The following RBFOX1 variants were observed in gnomAD, a reference collection of about 807,000 sequenced individuals.
RBFOX1 encodes the protein RNA binding protein fox-1 homolog 1.
A neutral mutation model predicts 57.7 loss-of-function variants in RBFOX1; 8 were observed. The observed-to-expected ratio is 0.14, with a 90% CI of 0.08 to 0.25. The LOEUF (loss-of-function observed/expected upper bound fraction) is 0.25. RBFOX1 is among the 10% of genes least tolerant of loss of function. RBFOX1 has a pLI of 1.00. For synonymous variants in RBFOX1, 326 were observed against 222.4 expected, an observed-to-expected ratio of 1.47 and a Z score of -4.15; for missense variants, 611 against 548.5, an observed-to-expected ratio of 1.11 and a Z score of -1.14.
intron 4 of RBFOX1, among the ~76,000 whole-genome samples, chr16:7,136,666 C>T (rs576573425): frequency 2.0e-5 from 3 of 152,286 alleles, no homozygotes; most frequent in African/African-American, 7.2e-5. Flanking sequence ...ATCCTCCTGC[C>T]TTGGCCTCCC....
At chr16:5,606,812 G>C (rs543248960) in intron 3 of RBFOX1, among the ~76,000 whole-genome samples, 1 of 152,212 alleles carries the variant, frequency 6.6e-6, no homozygotes, top group East Asian at 1.9e-4. Context: ...GAGATGGGGG[G>C]CTCCAGGTAG....
intron 4 of RBFOX1, among the ~76,000 whole-genome samples, chr16:7,202,773 G>A (rs1285617432): frequency 2.0e-5 from 3 of 152,172 alleles, no homozygotes; most frequent in Non-Finnish European, 2.9e-5. Context: ...AAGTGGGACA[G>A]TTTCATCCTG....
intron 2 of RBFOX1, among the ~76,000 whole-genome samples, chr16:6,597,914 T>A (rs116148688): frequency 0.029 from 4,442 of 152,274 alleles, 221 homozygotes; most frequent in African/African-American, 0.1. Flanking sequence ...AAACATTTGT[T>A]GGGCTAAAGA....
rs548730824 is a variant in RBFOX1, at chr16:5,805,119, A to G, written c.319-62184A>G. Among the ~76,000 whole-genome samples the G allele has an allele frequency of 6.6e-5, 10 of 152,176 alleles. No individual in the cohort carries two copies. The East Asian group carries it at 1.9e-3, about 29-fold the overall frequency. On this transcript the variant is annotated intron_variant, in intron 3 of 19. Transcript: ENST00000641259. The stretch of plus-strand genomic sequence containing the variant: ...TTGGGCTAAAAGCTGGGAAGGGGGC[A>G]GTTTGGTCACAGGTCTTTGAGGAGA...
At chr16:7,591,380 G>T (rs1602690679) in intron 7 of RBFOX1, among the ~76,000 whole-genome samples, 1 of 151,824 alleles carries the variant, frequency 6.6e-6, no homozygotes. Flanking sequence ...ATCCATCCAG[G>T]GTGCTTTATT....
intron 4 of RBFOX1, among the ~76,000 whole-genome samples, chr16:5,984,974 A>ATT (rs1473069198): frequency 2.5e-4 from 14 of 56,244 alleles, no homozygotes; most frequent in Admixed American, 9.3e-4. Context: ...ATATATATAT[A>ATT]TATTTTTTTT....
chr16:7,619,028 C>T (rs966586682), intron 10 of RBFOX1, among the ~76,000 whole-genome samples: 5 of 152,088 alleles, frequency 3.3e-5, no homozygotes, highest in Non-Finnish European at 7.3e-5. Flanking sequence ...AAACTGTATA[C>T]CATTATGGAA....
intron 3 of RBFOX1, among the ~76,000 whole-genome samples, chr16:6,829,752 C>A (rs969853554): frequency 6.6e-6 from 1 of 151,980 alleles, no homozygotes; most frequent in Non-Finnish European, 1.5e-5. Context: ...CAGGCACCTG[C>A]CACAACACCC....
intron 4 of RBFOX1, among the ~76,000 whole-genome samples, chr16:5,916,940 C>G (rs943195775): frequency 3.9e-5 from 6 of 152,130 alleles, no homozygotes; most frequent in African/African-American, 1.4e-4. Context: ...GCAGGACGAG[C>G]TAGTGGGTGT....
intron 2 of RBFOX1, among the ~76,000 whole-genome samples, chr16:6,611,357 G>T (rs554851325): frequency 6.6e-6 from 1 of 152,132 alleles, no homozygotes; most frequent in Non-Finnish European, 1.5e-5. Flanking sequence ...ATGTTGGCCA[G>T]GCTGATCTCA....
rs577322854 is a variant in RBFOX1 at position 6,019,946 on chromosome 16, T to A, written c.-173T>A. 1.3e-6 allele frequency: 2 copies of A among 1,532,808 alleles called. No homozygotes were observed. Among genetic ancestry groups the A allele is most frequent in the South Asian group, 2.4e-5 (2 of 83,740 alleles). 95.0% of individuals were successfully genotyped at this position (1,532,808 alleles called of 1,614,324 possible). A position where few individuals can be genotyped will look rare whatever the true frequency, so the allele number is the denominator to read the frequency against. ...CAGAGAGCGCACGGGAATTCGGGGG[T>A]CTGGGGCCGAGAACGTGACCGCAGC... is the stretch of plus-strand genomic sequence containing the variant. On this transcript the variant is annotated 5_prime_UTR_variant, in exon 1 of 16. Coordinates refer to ENST00000550418, the MANE Select transcript of RBFOX1 (RefSeq NM_018723.4). The surrounding 1 kb of genome is among the most constrained non-coding windows in gnomAD (Gnocchi z 4.2).
At chr16:6,455,474 A>G (rs979742892) in intron 2 of RBFOX1, among the ~76,000 whole-genome samples, 1 of 152,144 alleles carries the variant, frequency 6.6e-6, no homozygotes, top group African/African-American at 2.4e-5. Flanking sequence ...AGTGGCAGGC[A>G]ACATGTAAAC....
intron 3 of RBFOX1, among the ~76,000 whole-genome samples, chr16:6,663,647 C>A (rs1255590120): frequency 2.0e-5 from 3 of 152,316 alleles, no homozygotes; most frequent in East Asian, 3.9e-4. Context: ...CTCACAGAGT[C>A]CCCTGGGGAT....
At chr16:7,478,089 G>A (rs189719778) in intron 4 of RBFOX1, among the ~76,000 whole-genome samples, 3 of 152,162 alleles carry the variant, frequency 2.0e-5, no homozygotes, top group Non-Finnish European at 4.4e-5. Flanking sequence ...CTTGCAACCC[G>A]ATGATTAAGG....
chr16:6,884,027 C>T (rs1407485936), intron 3 of RBFOX1, among the ~76,000 whole-genome samples: 2 of 152,030 alleles, frequency 1.3e-5, no homozygotes, highest in Non-Finnish European at 2.9e-5. Flanking sequence ...GTTTTTTGTT[C>T]TTCTGACAAA....
At chr16:6,252,061 G>A (rs1378123349) in intron 1 of RBFOX1, among the ~76,000 whole-genome samples, 5 of 152,048 alleles carry the variant, frequency 3.3e-5, no homozygotes, top group East Asian at 1.9e-4. Context: ...ATGGAGGTTC[G>A]TGGCCCTGAG....
chr16:5,576,894 A>G (rs377044659), intron 2 of RBFOX1, among the ~76,000 whole-genome samples: 4 of 152,346 alleles, frequency 2.6e-5, no homozygotes, highest in South Asian at 4.1e-4. Flanking sequence ...GATGCTGAGG[A>G]GTTATTAAGT....
At chr16:6,628,719 G>C (rs112632244) in intron 2 of RBFOX1, among the ~76,000 whole-genome samples, 2 of 152,242 alleles carry the variant, frequency 1.3e-5, no homozygotes, top group African/African-American at 4.8e-5. Context: ...GGGACCGTTT[G>C]ATGAGGTTTG....
chr16:5,995,208 C>G (rs2060470384), intron 4 of RBFOX1, among the ~76,000 whole-genome samples: 1 of 152,186 alleles, frequency 6.6e-6, no homozygotes, highest in African/African-American at 2.4e-5. Flanking sequence ...ATTGACTGCT[C>G]AGTATTTCAC....
Sources: allele counts gnomAD v4.1 joint callset (sites outside exome capture counted in the v4.1 genomes callset), GRCh38; gene constraint gnomAD v4.1.1; non-coding constraint Gnocchi (gnomAD v3.1); transcripts MANE v1.5; gene names NCBI Gene and HGNC (gene_info 2026-07-23, HGNC 2026-07-21).